SLC24A2: variants seen among roughly 807,000 people sequenced by gnomAD.
SLC24A2 encodes solute carrier family 24 member 2.
SLC24A2 carries 36 observed loss-of-function variants against 62.0 expected under a neutral mutation model. The observed-to-expected ratio is 0.58, with a 90% CI of 0.44 to 0.77. The LOEUF (loss-of-function observed/expected upper bound fraction) is 0.77. SLC24A2 is among the 30% of genes least tolerant of loss of function. SLC24A2 has a pLI of 0.00. For synonymous variants in SLC24A2, 358 were observed against 294.0 expected, an observed-to-expected ratio of 1.22 and a Z score of -2.23; for missense variants, 846 against 817.9, an observed-to-expected ratio of 1.03 and a Z score of -0.42.
the SLC24A2 span, among the ~76,000 whole-genome samples, chr9:19,871,234 G>A: frequency 0.018 from 2,684 of 152,076 alleles, 44 homozygotes; most frequent in Non-Finnish European, 0.025. Flanking sequence ...TAAGTTATCC[G>A]TTATTCATAT....
intron 2 of SLC24A2, among the ~76,000 whole-genome samples, chr9:19,650,216 G>A (rs75326333): frequency 0.01 from 1,550 of 152,326 alleles, 37 homozygotes; most frequent in East Asian, 0.093. Context: ...AGCTGAAAAT[G>A]TAAGAAACCA....
At chr9:20,277,092 T>C in the SLC24A2 span, among the ~76,000 whole-genome samples, 1 of 152,340 alleles carries the variant, frequency 6.6e-6, no homozygotes, top group Non-Finnish European at 1.5e-5. Context: ...TGCCGCCAGC[T>C]TGAATTTCTC....
chr9:20,263,869 C>CG, the SLC24A2 span, among the ~76,000 whole-genome samples: 2 of 116,874 alleles, frequency 1.7e-5, no homozygotes, highest in Admixed American at 9.6e-5. Context: ...CCGCCCCCCC[C>CG]CCCCCATTAA....
At chr9:20,229,737 T>TTAA in the SLC24A2 span, among the ~76,000 whole-genome samples, 1 of 152,044 alleles carries the variant, frequency 6.6e-6, no homozygotes, top group Admixed American at 6.6e-5. Context: ...TTTTTTTAAT[T>TTAA]TTATTATTAT....
At chr9:20,158,536 G>T in the SLC24A2 span, among the ~76,000 whole-genome samples, 2 of 151,592 alleles carry the variant, frequency 1.3e-5, no homozygotes, top group African/African-American at 2.4e-5. Context: ...AACTTCCCAG[G>T]ATCTTGATCC....
chr9:19,960,418 T>C, the SLC24A2 span, among the ~76,000 whole-genome samples: 1 of 152,198 alleles, frequency 6.6e-6, no homozygotes, highest in East Asian at 1.9e-4. Context: ...TGTAATGAGC[T>C]GCAGTTTGGA....
chr9:19,793,323 T>C (rs1156288099), upstream of SLC24A2, among the ~76,000 whole-genome samples: 1 of 152,232 alleles, frequency 6.6e-6, no homozygotes, highest in African/African-American at 2.4e-5. Context: ...CCATTTGCTG[T>C]TGCAGGGAGA....
chr9:19,806,221 C>G, the SLC24A2 span, among the ~76,000 whole-genome samples: 2 of 152,088 alleles, frequency 1.3e-5, no homozygotes, highest in African/African-American at 2.4e-5. Flanking sequence ...ACTGGGTAAA[C>G]AGTGGAGGAG....
chr9:19,881,552 G>T, the SLC24A2 span, among the ~76,000 whole-genome samples: 4 of 152,108 alleles, frequency 2.6e-5, no homozygotes, highest in South Asian at 6.2e-4. Flanking sequence ...TTTTGGTAAG[G>T]AACCCCCACT....
the SLC24A2 span, among the ~76,000 whole-genome samples, chr9:19,917,809 T>C: frequency 1.3e-5 from 2 of 152,178 alleles, no homozygotes; most frequent in Admixed American, 6.5e-5. Context: ...ACGTTGTCTC[T>C]TCATTTCCAG....
the SLC24A2 span, among the ~76,000 whole-genome samples, chr9:20,192,625 G>T: frequency 6.6e-6 from 1 of 152,150 alleles, no homozygotes; most frequent in African/African-American, 2.4e-5. Flanking sequence ...CTGGGATTAA[G>T]AACTATGTCA....
chr9:19,537,092 C>T (rs1052303920), intron 8 of SLC24A2, among the ~76,000 whole-genome samples: 9 of 151,516 alleles, frequency 5.9e-5, no homozygotes, highest in African/African-American at 2.2e-4. Context: ...ACTGTAGATT[C>T]TGGATATTAG....
chr9:20,010,630 T>G, the SLC24A2 span, among the ~76,000 whole-genome samples: 4 of 152,102 alleles, frequency 2.6e-5, no homozygotes, highest in Admixed American at 1.3e-4. Context: ...TTAATTATAC[T>G]TTAAGTTCTA....
chr9:20,284,639 T>G, the SLC24A2 span, among the ~76,000 whole-genome samples: 2 of 152,070 alleles, frequency 1.3e-5, no homozygotes, highest in Admixed American at 6.5e-5. Context: ...AGAATAAAAT[T>G]TTTATTTTGA....
upstream of SLC24A2, among the ~76,000 whole-genome samples, chr9:19,792,536 CAAA>C (rs1165695410): frequency 0.032 from 2,361 of 74,620 alleles, 59 homozygotes; most frequent in African/African-American, 0.1. Context: ...ACTAAAAATA[CAAA>C]AAAAAAAAAA....
At chr9:19,940,043 C>G in the SLC24A2 span, among the ~76,000 whole-genome samples, 1 of 152,220 alleles carries the variant, frequency 6.6e-6, no homozygotes. Context: ...TCACGACACC[C>G]TTGGGGGTTT....
chr9:20,087,586 G>A, the SLC24A2 span, among the ~76,000 whole-genome samples: 2 of 152,144 alleles, frequency 1.3e-5, no homozygotes, highest in African/African-American at 4.8e-5. Flanking sequence ...TTCCACAGGA[G>A]GCAAAAATTA....
intron 2 of SLC24A2, among the ~76,000 whole-genome samples, chr9:19,689,536 G>A (rs1254725257): frequency 2.0e-5 from 3 of 152,110 alleles, no homozygotes; most frequent in Non-Finnish European, 2.9e-5. Context: ...ATGACGTCAT[G>A]TTTATTACAG....
the SLC24A2 span, among the ~76,000 whole-genome samples, chr9:20,192,998 A>G: frequency 3.3e-5 from 5 of 152,172 alleles, no homozygotes; most frequent in Non-Finnish European, 7.4e-5. Context: ...AGCACACAGT[A>G]TAGTGCTTTT....
Sources: gnomAD v4.1 joint callset for allele counts (sites outside exome capture counted in the v4.1 genomes callset) on GRCh38, gnomAD v4.1.1 for gene constraint, MANE v1.5 for transcripts, NCBI Gene and HGNC (gene_info 2026-07-23, HGNC 2026-07-21) for gene names.